CHCHD3: variants seen among roughly 807,000 people sequenced by gnomAD.
The protein encoded by CHCHD3 is coiled-coil-helix-coiled-coil-helix domain containing 3.
A neutral mutation model predicts 38.2 loss-of-function variants in CHCHD3; 20 were observed. The observed-to-expected ratio is 0.52, with a 90% CI of 0.37 to 0.76. The LOEUF (loss-of-function observed/expected upper bound fraction) is 0.76. Ranked by LOEUF, CHCHD3 falls within the 30% of genes least tolerant of loss-of-function variation. CHCHD3 has a pLI of 0.00. For synonymous variants in CHCHD3, 82 were observed against 100.0 expected, an observed-to-expected ratio of 0.82 and a Z score of 1.07; for missense variants, 245 against 279.2, an observed-to-expected ratio of 0.88 and a Z score of 0.87.
chr7:133,074,316 G>A (rs1814913833), intron 1 of CHCHD3, among the ~76,000 whole-genome samples: 3 of 152,172 alleles, frequency 2.0e-5, no homozygotes, highest in Admixed American at 6.5e-5. Flanking sequence ...AAAAGGGAAA[G>A]GCTACAGATC....
chr7:133,072,263 TAA>T (rs34730303), intron 1 of CHCHD3, among the ~76,000 whole-genome samples: 62,231 of 150,642 alleles, frequency 0.41, 13,057 homozygotes, highest in East Asian at 0.55. Context: ...TAATAAACTT[TAA>T]AAAAAAAAAG....
chr7:133,081,817 A>G (rs757320612), intron 1 of CHCHD3, 40 bp downstream of exon 1: 3 of 1,545,064 alleles, frequency 1.9e-6, no homozygotes, highest in African/African-American at 1.4e-5. Flanking sequence ...TTGGGGTCCG[A>G]GTCCAACCAC....
chr7:132,944,285 C>T (rs931481022), intron 4 of CHCHD3, among the ~76,000 whole-genome samples: 2 of 151,922 alleles, frequency 1.3e-5, no homozygotes, highest in Non-Finnish European at 2.9e-5. Context: ...ATATCATCAT[C>T]TCCCTTGATT....
intron 4 of CHCHD3, among the ~76,000 whole-genome samples, chr7:132,892,544 G>A (rs1382377003): frequency 6.6e-6 from 1 of 152,216 alleles, no homozygotes; most frequent in Non-Finnish European, 1.5e-5. Flanking sequence ...AGATTAACAA[G>A]GAGCTGAATG....
At chr7:133,008,721 G>C (rs112459022) in intron 3 of CHCHD3, among the ~76,000 whole-genome samples, 3,715 of 152,166 alleles carry the variant, frequency 0.024, 159 homozygotes, top group African/African-American at 0.084. Context: ...TATTAAAAGA[G>C]AATCAATAGG....
At chr7:132,844,863 GCAT>G (rs1391579099) in intron 5 of CHCHD3, among the ~76,000 whole-genome samples, 1 of 152,112 alleles carries the variant, frequency 6.6e-6, no homozygotes, top group African/African-American at 2.4e-5. Flanking sequence ...AATAGACAAG[GCAT>G]CATTGGAAAC....
rs542624834 is a variant in CHCHD3 at position 132,788,613 on chromosome 7, G to C, written c.661-2953C>G. On this transcript the variant is annotated intron_variant, in intron 7 of 7. Transcript: ENST00000262570. The surrounding 1 kb of genome is among the most constrained non-coding windows in gnomAD (Gnocchi z 4.0). ...AATCATATCATGCTAAGAATGTTAG[G>C]CTCTCTTTCAGAAAGAGACAAGATG... is the stretch of plus-strand genomic sequence containing the variant. Among the ~76,000 whole-genome samples, 5 of 152,290 alleles carry C rather than the reference G, an allele frequency of 3.3e-5. No individual in the cohort carries two copies. In the East Asian group the frequency reaches 9.7e-4, roughly 29 times the overall value.
At chr7:132,837,051 G>A (rs550380389) in intron 6 of CHCHD3, among the ~76,000 whole-genome samples, 64 of 151,928 alleles carry the variant, frequency 4.2e-4, no homozygotes, top group Non-Finnish European at 8.5e-4. Context: ...TATCTTTCCC[G>A]TCCACCTACT....
At chr7:132,963,171 A>G (rs1053280025) in intron 4 of CHCHD3, among the ~76,000 whole-genome samples, 7 of 148,954 alleles carry the variant, frequency 4.7e-5, no homozygotes, top group African/African-American at 1.7e-4. Context: ...TATATATATA[A>G]TATATGTAGG....
intron 4 of CHCHD3, among the ~76,000 whole-genome samples, chr7:132,951,742 G>T (rs1035576877): frequency 6.6e-6 from 1 of 152,164 alleles, no homozygotes; most frequent in African/African-American, 2.4e-5. Context: ...GTTTTACAAA[G>T]TGCTTGCTTA....
chr7:132,864,716 C>T (rs1253283827), intron 5 of CHCHD3, among the ~76,000 whole-genome samples: 3 of 152,136 alleles, frequency 2.0e-5, no homozygotes, highest in African/African-American at 4.8e-5. Flanking sequence ...TCTCTGGATA[C>T]TTGTTGAGGA....
At chr7:132,916,472 G>C (rs1387889316) in intron 4 of CHCHD3, among the ~76,000 whole-genome samples, 1 of 146,324 alleles carries the variant, frequency 6.8e-6, no homozygotes, top group Non-Finnish European at 1.5e-5. Context: ...AAATAAGTGA[G>C]TACTGTACAA....
At chr7:132,819,356 A>G (rs978431632) in intron 6 of CHCHD3, among the ~76,000 whole-genome samples, 1 of 152,196 alleles carries the variant, frequency 6.6e-6, no homozygotes, top group Non-Finnish European at 1.5e-5. Context: ...CAGGCTTTTA[A>G]ATCCAGAATG....
At chr7:132,999,511 G>A (rs1249669165) in intron 3 of CHCHD3, among the ~76,000 whole-genome samples, 1 of 152,108 alleles carries the variant, frequency 6.6e-6, no homozygotes, top group African/African-American at 2.4e-5. Flanking sequence ...AAAAGGAAAT[G>A]GCACTTTGTA....
chr7:133,035,988 C>A lies in CHCHD3; in HGVS notation c.170-11361G>T. 9.4e-7 allele frequency: 1 copy of A among 1,062,708 alleles called. No individual in the cohort carries two copies. The highest frequency in any genetic ancestry group is 1.3e-5 in the South Asian group (1 of 74,674). The allele number at this position is 1,062,708 out of a possible 1,614,324, so 65.8% of individuals were successfully genotyped here. ...TATCAGGTAGGGGTCCTTAGGGGAA[C>A]TGTTTTAATGAAACTAGTAATTAGA... On this transcript the variant is annotated intron_variant, in intron 2 of 7. Transcript: ENST00000262570. This position sits in a 1 kb window ranked among gnomAD's most constrained non-coding sequence, Gnocchi z 4.7.
intron 5 of CHCHD3, among the ~76,000 whole-genome samples, chr7:132,870,817 C>T (rs1434346153): frequency 6.6e-6 from 1 of 152,102 alleles, no homozygotes; most frequent in African/African-American, 2.4e-5. Context: ...AATAGTGCCA[C>T]CATTCCCTTT....
rs932437969 is a variant in CHCHD3, at chr7:133,035,189, G to C, written c.170-10562C>G. 5.4e-5 allele frequency: 87 copies of C among 1,613,556 alleles called. No homozygotes were observed. Among genetic ancestry groups the C allele is most frequent in the Non-Finnish European group, 7.2e-5 (85 of 1,179,696 alleles). ...TTTTCTCCTCCTTCCGCTCAGCCTGGGGCTTCTGCTTCTCTTCCCGTGAAC... is the reference window on the plus strand; with the variant it reads ...TTTTCTCCTCCTTCCGCTCAGCCTGCGGCTTCTGCTTCTCTTCCCGTGAAC... On this transcript the variant is annotated intron_variant, in intron 2 of 7. Transcript: ENST00000262570. The surrounding 1 kb of genome is among the most constrained non-coding windows in gnomAD (Gnocchi z 4.7).
At chr7:132,789,482 G>A (rs1377838070) in intron 7 of CHCHD3, among the ~76,000 whole-genome samples, 1 of 152,128 alleles carries the variant, frequency 6.6e-6, no homozygotes, top group African/African-American at 2.4e-5. Context: ...CAGCGCCCCT[G>A]GAGACCTGAG....
chr7:133,018,862 T>G (rs1833446), intron 3 of CHCHD3, among the ~76,000 whole-genome samples: 137,185 of 143,998 alleles, frequency 0.95, 65,755 homozygotes, highest in East Asian at 1. Context: ...ACCATGCTAG[T>G]TGCATGATTT....
Sources: gnomAD v4.1 joint callset for allele counts (sites outside exome capture counted in the v4.1 genomes callset) on GRCh38, gnomAD v4.1.1 for gene constraint, Gnocchi (gnomAD v3.1) non-coding constraint, MANE v1.5 for transcripts, NCBI Gene and HGNC (gene_info 2026-07-23, HGNC 2026-07-21) for gene names.